LRPAP1: variants seen among roughly 807,000 people sequenced by gnomAD.
LRPAP1 encodes the protein LDL receptor related protein associated protein 1.
In LRPAP1, 41 loss-of-function variants were observed where a neutral mutation model predicts 39.9. That is an observed-to-expected ratio of 1.03 (90% CI 0.80 to 1.33). The LOEUF (loss-of-function observed/expected upper bound fraction) is 1.33. Among genes scored for constraint, LRPAP1 ranks in the 40% most tolerant of loss-of-function variants. LRPAP1 has a pLI of 0.00. For missense variants in LRPAP1, 565 were observed against 482.3 expected (o/e 1.17, Z -1.61); for synonymous variants, 263 against 212.7 (o/e 1.24, Z -2.06).
chr4:3,529,279 C>A (rs990750318), intron 1 of LRPAP1, among the ~76,000 whole-genome samples: 1 of 151,968 alleles, frequency 6.6e-6, no homozygotes, highest in Admixed American at 6.6e-5. Flanking sequence ...GCCGAGATCA[C>A]GCCACTGCAC....
rs141943482 is a variant in LRPAP1, at chr4:3,512,983, G to A, written c.1065C>T (p.Asn355=). The part of the protein sequence containing the change: ...LSGRISRARH[N]EL ...GGGCTCCCCAATGCCTTCAGAGTTC[G>A]TTGTGCCGAGCTCTGGAGATCCTGC... Residue 355 remains asparagine (N), a synonymous_variant, in exon 8 of 8, where the codon AAC becomes AAT. Transcript: ENST00000650182. The A allele has an allele frequency of 6.2e-4, 1,001 of 1,611,330 alleles. 1 individual carries two copies. Among genetic ancestry groups the A allele is most frequent in the East Asian group, 2.7e-3 (123 of 44,752 alleles).
rs745870312 is a variant in LRPAP1, at chr4:3,520,062, C to T, written c.471+10G>A. 2.1e-5 allele frequency: 34 copies of T among 1,613,460 alleles called. No homozygotes were observed. Among genetic ancestry groups the T allele is most frequent in the African/African-American group, 9.3e-5 (7 of 74,890 alleles). On this transcript the variant is annotated intron_variant, in intron 3 of 7. Coordinates refer to ENST00000650182, the MANE Select transcript of LRPAP1 (RefSeq NM_002337.4). The stretch of plus-strand genomic sequence containing the variant: ...CAATTCTGCAAGGTATGCAAACAAT[C>T]GAAGAGTACCTTGTGCCACAGCTTT...
chr4:3,528,833 G>A (rs935558448), intron 1 of LRPAP1, among the ~76,000 whole-genome samples: 16 of 152,214 alleles, frequency 1.1e-4, no homozygotes, highest in Non-Finnish European at 1.5e-4. Flanking sequence ...CATTGGCCTG[G>A]CGAGTCCTAG....
Position 3,514,939 on chromosome 4 carries a change from G to GTTTC in LRPAP1, c.835-15_835-12dup, listed in dbSNP as rs768931699. 87 of 1,612,626 alleles carry GTTTC rather than the reference G, an allele frequency of 5.4e-5. No individual in the cohort carries two copies. In the African/African-American group the frequency reaches 1.0e-3, roughly 19 times the overall value. On this transcript the variant is annotated splice_polypyrimidine_tract_variant and intron_variant, in intron 6 of 7. Transcript: ENST00000650182. The stretch of plus-strand genomic sequence containing the variant: ...GTGCTTGAGCTCCTCCTGGAACAAG[G>GTTTC]TTTCCATAGGTGAGTGTTCCCTTCC...
At chr4:3,524,234 A>G (rs919921675) in intron 2 of LRPAP1, among the ~76,000 whole-genome samples, 24 of 152,036 alleles carry the variant, frequency 1.6e-4, no homozygotes, top group African/African-American at 5.8e-4. Flanking sequence ...TGTCATTTAA[A>G]ACCCTCCCGG....
chr4:3,513,142 A>C, intron 7 of LRPAP1, 106 bp from the exon 8 acceptor site: 1 of 794,812 alleles, frequency 1.3e-6, no homozygotes, highest in South Asian at 1.6e-5. Context: ...AAAAGGCGCA[A>C]GCCCTGCACA....
rs1044254053 is a variant in LRPAP1 at position 3,505,469 on chromosome 4, C to A, written c.*7505G>T. Among the ~76,000 whole-genome samples, 6 of 152,248 alleles carry A rather than the reference C, an allele frequency of 3.9e-5. No individual in the cohort carries two copies. Among genetic ancestry groups the A allele is most frequent in the Non-Finnish European group, 8.8e-5 (6 of 68,038 alleles). The stretch of plus-strand genomic sequence containing the variant: ...TCAAGCATGACTCCGAGCGGCACTT[C>A]TTCCACACCGCGCAGCTGCCTGTGC... On this transcript the variant is annotated 3_prime_UTR_variant, in exon 8 of 8. Transcript: ENST00000650182.
At chr4:3,517,505 C>A (rs1263345457) in intron 5 of LRPAP1, among the ~76,000 whole-genome samples, 7 of 152,216 alleles carry the variant, frequency 4.6e-5, no homozygotes, top group South Asian at 2.1e-4. Flanking sequence ...GTACACCCTG[C>A]ACAAGGCTCT....
chr4:3,531,127 C>T (rs1428681080), intron 1 of LRPAP1, among the ~76,000 whole-genome samples: 1 of 152,126 alleles, frequency 6.6e-6, no homozygotes, highest in Non-Finnish European at 1.5e-5. Flanking sequence ...CAGCCCAGAG[C>T]GTTCTCCCAC....
intron 1 of LRPAP1, among the ~76,000 whole-genome samples, chr4:3,526,515 T>C (rs545931129): frequency 6.6e-6 from 1 of 152,222 alleles, no homozygotes; most frequent in East Asian, 1.9e-4. Flanking sequence ...ACAGTGAACA[T>C]CCCCACGAAG....
At chr4:3,516,758 T>C (rs1053771727) in intron 5 of LRPAP1, among the ~76,000 whole-genome samples, 1 of 152,198 alleles carries the variant, frequency 6.6e-6, no homozygotes, top group South Asian at 2.1e-4. Context: ...ACTCCGGGGC[T>C]GTCACCACTC....
In LRPAP1 at chr4:3,519,946, C is replaced by T. The variant is rs945676659; in HGVS notation, c.471+126G>A. The T allele has an allele frequency of 5.3e-6, 6 of 1,141,842 alleles. No individual in the cohort carries two copies. In the African/African-American group the frequency reaches 6.2e-5, roughly 12 times the overall value. The allele number at this position is 1,141,842 out of a possible 1,614,324, so 70.7% of individuals were successfully genotyped here. A position where few individuals can be genotyped will look rare whatever the true frequency, so the allele number is the denominator to read the frequency against. On this transcript the variant is annotated intron_variant, in intron 3 of 7. Coordinates refer to ENST00000650182, the MANE Select transcript of LRPAP1 (RefSeq NM_002337.4). Reference sequence around the variant, plus strand: ...TGGAATGGCTTCCTTAGGAAGCCACCGTCTTCCTGAGACTTTCCCAAACCC... The same window carrying T: ...TGGAATGGCTTCCTTAGGAAGCCACTGTCTTCCTGAGACTTTCCCAAACCC...
Position 3,511,820 on chromosome 4 carries a change from G to A in LRPAP1, c.*1154C>T, listed in dbSNP as rs1486172793. The A allele has an allele frequency of 6.7e-6, 1 of 148,998 alleles. No homozygotes were observed. The highest frequency in any genetic ancestry group is 2.5e-5 in the African/African-American group (1 of 40,178). The allele number at this position is 148,998 out of a possible 1,614,324, so 9.2% of individuals were successfully genotyped here. ...CGGACCCGAGCCTCTTCCAGGCTCA[G>A]ACACGGGAAGGGAACCACGCCCAGA... On this transcript the variant is annotated 3_prime_UTR_variant, in exon 8 of 8. Coordinates refer to ENST00000650182, the MANE Select transcript of LRPAP1 (RefSeq NM_002337.4).
Position 3,518,867 on chromosome 4 carries a change from G to T in LRPAP1, c.592+4C>A, listed in dbSNP as rs762566090. The stretch of plus-strand genomic sequence containing the variant: ...GGGCAGGAGGGGGTGGGGGCGGGGG[G>T]CACCTTCGGTCCTGCTCAGGGTCTC... On this transcript the variant is annotated splice_donor_region_variant and intron_variant, in intron 4 of 7. Coordinates refer to ENST00000650182, the MANE Select transcript of LRPAP1 (RefSeq NM_002337.4). The T allele has an allele frequency of 8.1e-7, 1 of 1,230,708 alleles. No individual in the cohort carries two copies. Among genetic ancestry groups the T allele is most frequent in the Non-Finnish European group, 1.1e-6 (1 of 909,794 alleles). 76.2% of individuals were successfully genotyped at this position (1,230,708 alleles called of 1,614,324 possible).
chr4:3,515,128 A>G (rs1378004274), intron 6 of LRPAP1, among the ~76,000 whole-genome samples, 200 bp from the exon 7 acceptor site: 2 of 152,162 alleles, frequency 1.3e-5, no homozygotes, highest in Non-Finnish European at 2.9e-5. Flanking sequence ...CCTCCTTGGC[A>G]GCCCTAAGCC....
At position 3,505,659 on chromosome 4, in the gene LRPAP1, C is replaced by A. The variant is rs149867039; in HGVS notation, c.*7315G>T. Among the ~76,000 whole-genome samples, 4,779 of 152,270 alleles carry A rather than the reference C, an allele frequency of 0.031. 117 individuals are homozygous for A. The highest frequency in any genetic ancestry group is 0.059 in the Admixed American group (909 of 15,302). On this transcript the variant is annotated 3_prime_UTR_variant, in exon 8 of 8. Transcript: ENST00000650182. ...TCTATACCAGCTACCCCAAGACCGT[C>A]TATACCAGCTACCCCAAGACCGTCT...
At position 3,510,595 on chromosome 4, in the gene LRPAP1, A is replaced by C. The variant is rs984309036; in HGVS notation, c.*2379T>G. 6.6e-6 allele frequency: 1 copy of C among 152,280 alleles called. No individual in the cohort carries two copies. Among genetic ancestry groups the C allele is most frequent in the African/African-American group, 2.4e-5 (1 of 41,462 alleles). 9.4% of individuals were successfully genotyped at this position (152,280 alleles called of 1,614,324 possible). A position where few individuals can be genotyped will look rare whatever the true frequency, so the allele number is the denominator to read the frequency against. On this transcript the variant is annotated 3_prime_UTR_variant, in exon 8 of 8. Transcript: ENST00000650182. ...AAGGGAGAAATGGATCCTGACTGCA[A>C]CCCACACTGGAAACGTACACTCCTG...
intron 7 of LRPAP1, 126 bp from the exon 8 acceptor site, chr4:3,513,162 C>T: frequency 1.5e-6 from 1 of 672,476 alleles, no homozygotes; most frequent in Non-Finnish European, 2.6e-6. Flanking sequence ...ATCTGACTTT[C>T]CAATTCCACA....
At chr4:3,527,658 C>T (rs1730121031) in intron 1 of LRPAP1, among the ~76,000 whole-genome samples, 1 of 152,240 alleles carries the variant, frequency 6.6e-6, no homozygotes. Context: ...GTGTGCTGGC[C>T]TTGAGGGGCC....
Sources: gnomAD v4.1 joint callset for allele counts (sites outside exome capture counted in the v4.1 genomes callset) on GRCh38, gnomAD v4.1.1 for gene constraint, MANE v1.5 for transcripts, NCBI Gene and HGNC (gene_info 2026-07-23, HGNC 2026-07-21) for gene names.